The following IFI16 variants were observed in gnomAD, a reference collection of about 807,000 sequenced individuals.
IFI16 encodes the protein gamma-interferon-inducible protein 16.
In IFI16, 49 loss-of-function variants were observed where a neutral mutation model predicts 68.4. That is an observed-to-expected ratio of 0.72 (90% CI 0.57 to 0.91). The LOEUF is 0.91. Among genes scored for constraint, IFI16 ranks in the 40% least tolerant of loss-of-function variants. The pLI, the probability that IFI16 is intolerant of heterozygous loss-of-function variation, is 0.00. For synonymous variants in IFI16, 307 were observed against 315.0 expected, an observed-to-expected ratio of 0.97 and a Z score of 0.27; for missense variants, 878 against 942.9, an observed-to-expected ratio of 0.93 and a Z score of 0.90.
intron 7 of IFI16, among the ~76,000 whole-genome samples, chr1:159,039,646 G>T (rs1347624178): frequency 3.3e-5 from 5 of 152,076 alleles, no homozygotes; most frequent in Admixed American, 3.3e-4. Context: ...GCCTGGCCGG[G>T]TTCTATCTCA....
At chr1:159,027,495 G>A (rs1653744432) in intron 6 of IFI16, among the ~76,000 whole-genome samples, 1 of 151,944 alleles carries the variant, frequency 6.6e-6, no homozygotes, top group African/African-American at 2.4e-5. Flanking sequence ...TTTTGTTGTT[G>A]TTGTTATGTC....
At chr1:159,016,830 C>A in intron 4 of IFI16, 130 bp downstream of exon 4, 2 of 808,610 alleles carry the variant, frequency 2.5e-6, no homozygotes, top group Non-Finnish European at 4.0e-6. Context: ...GAAACCACTA[C>A]ATTTTGATCT....
chr1:159,051,277 A>G (rs1655340059), intron 9 of IFI16, among the ~76,000 whole-genome samples: 1 of 152,068 alleles, frequency 6.6e-6, no homozygotes, highest in Non-Finnish European at 1.5e-5. Context: ...GCAGTGCTCA[A>G]TATGACCTGA....
intron 9 of IFI16, among the ~76,000 whole-genome samples, chr1:159,051,031 T>C (rs1655324360): frequency 6.6e-6 from 1 of 152,176 alleles, no homozygotes; most frequent in African/African-American, 2.4e-5. Context: ...CTCTGAATGC[T>C]AGTAATATGA....
Position 159,051,668 on chromosome 1 carries a change from T to C in IFI16, c.1666-11T>C. ...TTAATTGTGCCTATGTTTTGGTCTC[T>C]ACCTTCTAAGTTGAAACCAAGACTG... On this transcript the variant is annotated splice_polypyrimidine_tract_variant and intron_variant, in intron 9 of 11. Coordinates refer to ENST00000295809, the MANE Select transcript of IFI16 (RefSeq NM_001376587.1). 2 of 1,602,356 alleles carry C rather than the reference T, an allele frequency of 1.2e-6. No individual in the cohort carries two copies. Among genetic ancestry groups the C allele is most frequent in the East Asian group, 2.2e-5 (1 of 44,668 alleles).
At chr1:159,017,772 T>A (rs563344634) in intron 4 of IFI16, among the ~76,000 whole-genome samples, 1 of 152,260 alleles carries the variant, frequency 6.6e-6, no homozygotes, top group East Asian at 1.9e-4. Flanking sequence ...TACACTCAGC[T>A]GATTTTTGTA....
At chr1:159,004,294 C>T (rs1652171944), upstream of IFI16, among the ~76,000 whole-genome samples, 1 of 149,760 alleles carries the variant, frequency 6.7e-6, no homozygotes, top group Admixed American at 6.6e-5. Context: ...GGCAACATGG[C>T]AAGACCTTAT....
At chr1:159,053,464 C>T in intron 10 of IFI16, 69 bp from the exon 11 acceptor site, 1 of 1,146,776 alleles carries the variant, frequency 8.7e-7, no homozygotes, top group South Asian at 1.4e-5. Flanking sequence ...CAGAAACACC[C>T]TGTATTTCTC....
At chr1:159,007,893 G>C (rs1347601634), upstream of IFI16, among the ~76,000 whole-genome samples, 2 of 152,168 alleles carry the variant, frequency 1.3e-5, no homozygotes, top group East Asian at 1.9e-4. Context: ...GCATAGAGTT[G>C]ATTTGCAAAA....
intron 6 of IFI16, among the ~76,000 whole-genome samples, chr1:159,028,058 C>T (rs12239136): frequency 0.28 from 43,049 of 151,702 alleles, 8,201 homozygotes; most frequent in African/African-American, 0.54. Flanking sequence ...CTGCTGCATT[C>T]GTGTTTGGTT....
intron 6 of IFI16, among the ~76,000 whole-genome samples, chr1:159,032,282 C>G (rs2101872500): frequency 6.6e-6 from 1 of 152,202 alleles, no homozygotes; most frequent in East Asian, 1.9e-4. Context: ...AATGGAGTCT[C>G]CAATGTAAAA....
At chr1:159,005,328 T>C (rs1652214020), upstream of IFI16, among the ~76,000 whole-genome samples, 1 of 152,218 alleles carries the variant, frequency 6.6e-6, no homozygotes, top group Non-Finnish European at 1.5e-5. Context: ...GGAGTTTTCA[T>C]GAACCAGAAA....
chr1:159,005,141 CAAG>C (rs572491602), upstream of IFI16, among the ~76,000 whole-genome samples: 147 of 152,254 alleles, frequency 9.7e-4, no homozygotes, highest in African/African-American at 3.3e-3. Flanking sequence ...GAGGACACAG[CAAG>C]AAGGCCTCAC....
intron 7 of IFI16, among the ~76,000 whole-genome samples, chr1:159,035,502 T>C (rs930430826): frequency 6.6e-6 from 1 of 152,180 alleles, no homozygotes; most frequent in Non-Finnish European, 1.5e-5. Flanking sequence ...TATGTGAACT[T>C]CCCTGGAGCA....
intron 3 of IFI16, among the ~76,000 whole-genome samples, chr1:159,016,275 C>T (rs546090474): frequency 6.6e-6 from 1 of 152,218 alleles, no homozygotes; most frequent in East Asian, 1.9e-4. Context: ...TGTATAAAAA[C>T]CTAGTTTCTC....
At chr1:159,007,917 C>T (rs1025048477), upstream of IFI16, among the ~76,000 whole-genome samples, 1 of 152,170 alleles carries the variant, frequency 6.6e-6, no homozygotes, top group Non-Finnish European at 1.5e-5. Flanking sequence ...GTGAACAATG[C>T]ATATGCCACA....
At chr1:159,011,308 A>G (rs1652542876) in intron 1 of IFI16, among the ~76,000 whole-genome samples, 1 of 151,930 alleles carries the variant, frequency 6.6e-6, no homozygotes, top group East Asian at 1.9e-4. Flanking sequence ...CGCTTGAACC[A>G]GGAGGCAGAG....
intron 7 of IFI16, among the ~76,000 whole-genome samples, chr1:159,035,545 G>A (rs1654271294): frequency 6.6e-6 from 1 of 152,150 alleles, no homozygotes. Flanking sequence ...TGCCTTCATG[G>A]CCTCATGCAC....
chr1:159,008,444 T>C (rs1652347194), upstream of IFI16, among the ~76,000 whole-genome samples: 2 of 152,258 alleles, frequency 1.3e-5, no homozygotes, highest in Non-Finnish European at 2.9e-5. Flanking sequence ...GTATGAATTA[T>C]GGAGCATTGT....
Sources: gnomAD v4.1 joint callset for allele counts (sites outside exome capture counted in the v4.1 genomes callset) on GRCh38, gnomAD v4.1.1 for gene constraint, MANE v1.5 for transcripts, NCBI Gene and HGNC (gene_info 2026-07-23, HGNC 2026-07-21) for gene names.